PARM1: variants seen among roughly 807,000 people sequenced by gnomAD.
The protein encoded by PARM1 is prostate androgen-regulated mucin-like protein 1, also known as WSC4, cell wall integrity and stress response component 4 homolog.
PARM1 carries 14 observed loss-of-function variants against 24.6 expected under a neutral mutation model. That is an observed-to-expected ratio of 0.57 (90% CI 0.38 to 0.89). The LOEUF is 0.89. Among genes scored for constraint, PARM1 ranks in the 40% least tolerant of loss-of-function variants. PARM1 has a pLI of 0.00. For missense variants in PARM1, 362 were observed against 380.4 expected (o/e 0.95, Z 0.40); for synonymous variants, 179 against 156.6 (o/e 1.14, Z -1.07).
At chr4:75,011,767 C>T (rs572509550) in intron 1 of PARM1, among the ~76,000 whole-genome samples, 2 of 152,282 alleles carry the variant, frequency 1.3e-5, no homozygotes, top group African/African-American at 4.8e-5. Context: ...ATTTCCAAAC[C>T]TCAGATTTCT....
In PARM1 at chr4:75,012,528, T is replaced by G. The variant is rs763413479; in HGVS notation, c.147T>G (p.Thr49=). The G allele has an allele frequency of 1.2e-6, 2 of 1,613,960 alleles. No homozygotes were observed. Among genetic ancestry groups the G allele is most frequent in the South Asian group, 2.2e-5 (2 of 91,072 alleles). ...TTIWTSSPQN[T]DADTASPSNG... ...TCTGGACTAGCTCTCCACAAAACACTGATGCAGACACTGCCTCCCCATCCA... is the reference window on the plus strand; with the variant it reads ...TCTGGACTAGCTCTCCACAAAACACGGATGCAGACACTGCCTCCCCATCCA... The change falls in exon 2 of 4, where the codon ACT becomes ACG. Residue 49 remains threonine (T), a synonymous_variant. Transcript: ENST00000307428.
chr4:75,006,278 G>A (rs1219718243), intron 1 of PARM1, among the ~76,000 whole-genome samples: 1 of 151,732 alleles, frequency 6.6e-6, no homozygotes, highest in African/African-American at 2.4e-5. Context: ...ATCTCCTAAT[G>A]CTATCCGTCC....
chr4:75,020,865 A>G (rs932237114), intron 2 of PARM1, among the ~76,000 whole-genome samples: 10 of 152,018 alleles, frequency 6.6e-5, no homozygotes, highest in African/African-American at 2.2e-4. Context: ...TCTCAGATCA[A>G]ATAGCACCTG....
At chr4:75,031,526 AT>A (rs1723278433) in intron 2 of PARM1, among the ~76,000 whole-genome samples, 1 of 150,862 alleles carries the variant, frequency 6.6e-6, no homozygotes, top group Non-Finnish European at 1.5e-5. Context: ...ATCACTTACA[AT>A]AAAAAAAAAA....
At chr4:75,027,824 C>T (rs1723211179) in intron 2 of PARM1, among the ~76,000 whole-genome samples, 1 of 152,348 alleles carries the variant, frequency 6.6e-6, no homozygotes, top group Non-Finnish European at 1.5e-5. Context: ...ATCACACAGC[C>T]TAAGGCAGGC....
At chr4:74,949,197 A>T (rs1721469104) in intron 1 of PARM1, among the ~76,000 whole-genome samples, 1 of 152,222 alleles carries the variant, frequency 6.6e-6, no homozygotes, top group Non-Finnish European at 1.5e-5. Flanking sequence ...GTTATCCAGT[A>T]CTAGCCACAG....
chr4:74,999,862 G>A (rs543110193), intron 1 of PARM1, among the ~76,000 whole-genome samples: 20 of 152,244 alleles, frequency 1.3e-4, no homozygotes, highest in African/African-American at 4.3e-4. Context: ...AGCCTGATGC[G>A]TGTCGTATCA....
At chr4:74,961,777 A>G (rs1721779334) in intron 1 of PARM1, among the ~76,000 whole-genome samples, 2 of 152,192 alleles carry the variant, frequency 1.3e-5, no homozygotes, top group Admixed American at 6.5e-5. Flanking sequence ...AAAATCTGAG[A>G]AAGTATGTTA....
intron 2 of PARM1, among the ~76,000 whole-genome samples, chr4:75,020,498 C>A (rs533056507): frequency 3.9e-5 from 6 of 152,072 alleles, no homozygotes; most frequent in East Asian, 1.9e-4. Context: ...CATTTCCCCC[C>A]CCCCGCACCC....
At chr4:74,952,613 G>A (rs1721548738) in intron 1 of PARM1, among the ~76,000 whole-genome samples, 1 of 152,190 alleles carries the variant, frequency 6.6e-6, no homozygotes, top group South Asian at 2.1e-4. Flanking sequence ...TAAGGTGTAA[G>A]GAAGGGGTCC....
chr4:74,936,483 T>C (rs1476504372), intron 1 of PARM1, among the ~76,000 whole-genome samples: 1 of 149,456 alleles, frequency 6.7e-6, no homozygotes, highest in Admixed American at 6.7e-5. Context: ...AGATGGAGTC[T>C]CTCTCTGTCT....
At chr4:75,029,095 G>A (rs961594542) in intron 2 of PARM1, among the ~76,000 whole-genome samples, 3 of 152,120 alleles carry the variant, frequency 2.0e-5, no homozygotes, top group East Asian at 1.9e-4. Flanking sequence ...TCTGTGTGGC[G>A]TGCGGGCCCA....
chr4:75,029,888 A>G (rs958898230), intron 2 of PARM1, among the ~76,000 whole-genome samples: 5 of 152,174 alleles, frequency 3.3e-5, no homozygotes, highest in African/African-American at 1.2e-4. Flanking sequence ...AAAAAAAAAA[A>G]AATTCTGGTA....
In PARM1 at chr4:75,041,584, A is replaced by T. The variant is rs1000503653; in HGVS notation, c.849-4579A>T. On this transcript the variant is annotated intron_variant, in intron 3 of 3. Transcript: ENST00000307428. ...AAAATATGTTTTGTTTCAACGCAAG[A>T]AAAGGGACACTTCACTCATTTTCAA... Among the ~76,000 whole-genome samples, 3 of 152,208 alleles carry T rather than the reference A, an allele frequency of 2.0e-5. No individual in the cohort carries two copies. In the South Asian group the frequency reaches 6.2e-4, roughly 32 times the overall value.
chr4:74,986,420 A>G (rs1012634153), intron 1 of PARM1, among the ~76,000 whole-genome samples: 6 of 152,220 alleles, frequency 3.9e-5, no homozygotes, highest in Admixed American at 2.6e-4. Context: ...AGTCCCATCA[A>G]TTAAATGAAG....
intron 1 of PARM1, among the ~76,000 whole-genome samples, chr4:74,980,650 G>A (rs1400804688): frequency 6.6e-6 from 1 of 152,128 alleles, no homozygotes; most frequent in Non-Finnish European, 1.5e-5. Flanking sequence ...AGCCCGTATA[G>A]CCAAGACAAT....
At chr4:74,979,704 G>A (rs976095079) in intron 1 of PARM1, among the ~76,000 whole-genome samples, 10 of 152,204 alleles carry the variant, frequency 6.6e-5, no homozygotes, top group African/African-American at 2.4e-4. Context: ...GAACATCAAT[G>A]CAAAAATCCT....
chr4:74,933,794 G>A (rs1721118629), intron 1 of PARM1, among the ~76,000 whole-genome samples: 1 of 152,304 alleles, frequency 6.6e-6, no homozygotes, highest in South Asian at 2.1e-4. Flanking sequence ...GGGGTGGGAG[G>A]TTCGCATCTG....
intron 2 of PARM1, among the ~76,000 whole-genome samples, chr4:75,021,290 G>A (rs1560794739): frequency 1.3e-5 from 2 of 152,174 alleles, no homozygotes; most frequent in Non-Finnish European, 2.9e-5. Context: ...CAGTGTAGCT[G>A]TCTAAAGGAC....
Sources: allele counts gnomAD v4.1 joint callset (sites outside exome capture counted in the v4.1 genomes callset), GRCh38; gene constraint gnomAD v4.1.1; transcripts MANE v1.5; gene names NCBI Gene and HGNC (gene_info 2026-07-23, HGNC 2026-07-21).